The following IL1RL1 variants were observed in gnomAD, a reference collection of about 807,000 sequenced individuals.
IL1RL1 encodes interleukin 1 receptor like 1.
A neutral mutation model predicts 50.9 loss-of-function variants in IL1RL1; 32 were observed. That is an observed-to-expected ratio of 0.63 (90% CI 0.47 to 0.84). The LOEUF (loss-of-function observed/expected upper bound fraction) is 0.84, where lower values mean the gene tolerates loss of function less well. IL1RL1 is among the 40% of genes least tolerant of loss of function. The pLI is 0.00. For missense variants in IL1RL1, 773 were observed against 662.9 expected, an observed-to-expected ratio of 1.17 and a Z score of -1.82; for synonymous variants, 275 against 236.0, an observed-to-expected ratio of 1.17 and a Z score of -1.51.
At chr2:102,314,514 G>A (rs748768455) in intron 1 of IL1RL1, among the ~76,000 whole-genome samples, 2 of 152,154 alleles carry the variant, frequency 1.3e-5, no homozygotes, top group Non-Finnish European at 2.9e-5. Context: ...TTATCAGTTG[G>A]GTGGGTAGTC....
chr2:102,339,242 TA>T (rs1342231229), intron 3 of IL1RL1, 195 bp downstream of exon 3: 1 of 540,770 alleles, frequency 1.8e-6, no homozygotes, highest in African/African-American at 1.9e-5. Flanking sequence ...CATTCTGAGC[TA>T]TTTGGATTTA....
At chr2:102,320,239 G>T (rs1320613848) in intron 1 of IL1RL1, among the ~76,000 whole-genome samples, 1 of 152,188 alleles carries the variant, frequency 6.6e-6, no homozygotes, top group East Asian at 1.9e-4. Flanking sequence ...GGTCAGTGCA[G>T]CTGGCCTGGG....
chr2:102,316,279 A>C (rs1343997056), intron 1 of IL1RL1, among the ~76,000 whole-genome samples: 1 of 152,218 alleles, frequency 6.6e-6, no homozygotes, highest in Non-Finnish European at 1.5e-5. Context: ...CTGAGCTGAG[A>C]TATGCTAATT....
At chr2:102,339,137 C>T in intron 3 of IL1RL1, 90 bp downstream of exon 3, 2 of 846,346 alleles carry the variant, frequency 2.4e-6, no homozygotes, top group Non-Finnish European at 4.0e-6. Context: ...TCATTCCTTC[C>T]CTAGTCCTTT....
At chr2:102,334,821 A>G (rs1677268345) in intron 1 of IL1RL1, among the ~76,000 whole-genome samples, 2 of 152,208 alleles carry the variant, frequency 1.3e-5, no homozygotes, top group Admixed American at 1.3e-4. Context: ...ATACCTTCTA[A>G]GTTCGGAAGT....
At chr2:102,312,051 TAA>T (rs1676530410) in intron 1 of IL1RL1, among the ~76,000 whole-genome samples, 1 of 79,278 alleles carries the variant, frequency 1.3e-5, no homozygotes, top group Non-Finnish European at 2.3e-5. Context: ...ATTATATATA[TAA>T]TATATATAAC....
intron 8 of IL1RL1, chr2:102,345,575 A>G: frequency 1.0e-6 from 1 of 985,428 alleles, no homozygotes; most frequent in Non-Finnish European, 1.2e-6. Context: ...AGGAGAAAGG[A>G]TAGGGGTGTG....
In IL1RL1 at chr2:102,351,874, C is replaced by T. The variant is rs750166247; in HGVS notation, c.1624C>T (p.Pro542Ser). ...CCAAATGCCTGTGCCAAGCAAAATT[C>T]CCAGAAAGGCCTCTAGTTTGACTCC... ...RYQMPVPSKI[P>S]RKASSLTPLA... The change falls in exon 11 of 11, where the codon CCC (proline) becomes TCC (serine). Residue 542 changes from proline (P) to serine (S), a missense_variant. Pro to Ser is a moderately conservative substitution (Grantham distance 74). Coordinates refer to ENST00000233954, the MANE Select transcript of IL1RL1 (RefSeq NM_016232.5). 56 of 1,613,614 alleles carry T rather than the reference C, an allele frequency of 3.5e-5. No individual in the cohort carries two copies. Among genetic ancestry groups the T allele is most frequent in the Non-Finnish European group, 4.5e-5 (53 of 1,179,826 alleles).
At chr2:102,312,165 T>C (rs2104955123) in intron 1 of IL1RL1, among the ~76,000 whole-genome samples, 1 of 135,616 alleles carries the variant, frequency 7.4e-6, no homozygotes, top group African/African-American at 2.8e-5. Context: ...GAGGGAAGAC[T>C]TAGCTTTCCA....
At chr2:102,313,452 C>T (rs1676580321) in intron 1 of IL1RL1, 1 of 152,150 alleles carries the variant, frequency 6.6e-6, no homozygotes, top group South Asian at 2.1e-4. Flanking sequence ...GAGATTGATT[C>T]CAAGTTACTT....
intron 1 of IL1RL1, among the ~76,000 whole-genome samples, chr2:102,326,772 G>A (rs1166056035): frequency 6.6e-6 from 1 of 152,064 alleles, no homozygotes; most frequent in Non-Finnish European, 1.5e-5. Flanking sequence ...ATTAAATAAT[G>A]GTAAAGGGAT....
chr2:102,348,452 A>C (rs1677840599), intron 9 of IL1RL1, among the ~76,000 whole-genome samples: 1 of 152,172 alleles, frequency 6.6e-6, no homozygotes, highest in African/African-American at 2.4e-5. Context: ...CCTGTTTTCC[A>C]GATGTGAGCA....
At position 102,318,510 on chromosome 2, in the gene IL1RL1, T is replaced by C. The variant is rs188587218; in HGVS notation, c.-150+6887T>C. Among the ~76,000 whole-genome samples the C allele has an allele frequency of 3.3e-5, 5 of 152,300 alleles. No individual in the cohort carries two copies. The East Asian group carries it at 9.6e-4, about 29-fold the overall frequency. On this transcript the variant is annotated intron_variant, in intron 1 of 10. Transcript: ENST00000233954. ...GGTTATTTTTGTGATGTCTGGAATA[T>C]AGACAAGTGAAGGCATTGAGTCAGC...
Position 102,330,050 on chromosome 2 carries a change from A to G in IL1RL1, c.-149-8066A>G, listed in dbSNP as rs914192362. On this transcript the variant is annotated intron_variant, in intron 1 of 10. Transcript: ENST00000233954. ...AAGACACATGCATATATATGTTTAT[A>G]GCGGCACTATTCACAATAGCAAAGA... Among the ~76,000 whole-genome samples, 12 of 152,214 alleles carry G rather than the reference A, an allele frequency of 7.9e-5. No homozygotes were observed. In the East Asian group the frequency reaches 2.3e-3, roughly 29 times the overall value.
chr2:102,345,843 G>T (rs1199146475), intron 8 of IL1RL1: 2 of 985,304 alleles, frequency 2.0e-6, no homozygotes, highest in African/African-American at 3.5e-5. Context: ...TGCTTGGGGT[G>T]GTGGTGGGCC....
At chr2:102,340,610 G>C (rs760792009) in intron 4 of IL1RL1, 56 bp from the exon 5 acceptor site, 16 of 1,540,208 alleles carry the variant, frequency 1.0e-5, no homozygotes, top group Non-Finnish European at 1.4e-5. Context: ...TCTGTCAACA[G>C]ATAAATAAAT....
intron 1 of IL1RL1, among the ~76,000 whole-genome samples, chr2:102,327,981 G>A (rs1466540911): frequency 1.3e-5 from 2 of 152,296 alleles, no homozygotes; most frequent in East Asian, 1.9e-4. Context: ...TAGAAAAAGA[G>A]GGAATCCTCC....
chr2:102,313,762 A>G (rs1676590182), intron 1 of IL1RL1, among the ~76,000 whole-genome samples: 1 of 152,198 alleles, frequency 6.6e-6, no homozygotes, highest in African/African-American at 2.4e-5. Flanking sequence ...TTGGGAGGAT[A>G]CAATGCAGGA....
chr2:102,322,272 A>G (rs1676858297), intron 1 of IL1RL1, among the ~76,000 whole-genome samples: 1 of 152,166 alleles, frequency 6.6e-6, no homozygotes, highest in Non-Finnish European at 1.5e-5. Flanking sequence ...TCTGCTGCTC[A>G]CATTCCACAG....
Sources: allele counts gnomAD v4.1 joint callset (sites outside exome capture counted in the v4.1 genomes callset), GRCh38; gene constraint gnomAD v4.1.1; transcripts MANE v1.5; gene names NCBI Gene and HGNC (gene_info 2026-07-23, HGNC 2026-07-21).